Variants in ROR1 observed in about 807,000 individuals in gnomAD.
ROR1 encodes ROR family WNT receptor 1, also known as inactive tyrosine-protein kinase transmembrane receptor ROR1.
ROR1 carries 19 observed loss-of-function variants against 78.8 expected under a neutral mutation model. The ratio of observed to expected loss-of-function variants is 0.24; its 90% CI spans 0.17 to 0.35. ROR1 has a LOEUF of 0.35. Among genes scored for constraint, ROR1 ranks in the 10% least tolerant of loss-of-function variants. The pLI is 1.00. For missense variants in ROR1, 917 were observed against 1,177.8 expected, an observed-to-expected ratio of 0.78 and a Z score of 3.24; for synonymous variants, 386 against 433.6, an observed-to-expected ratio of 0.89 and a Z score of 1.36.
At chr1:64,141,208 A>T (rs1289522484) in intron 6 of ROR1, among the ~76,000 whole-genome samples, 1 of 152,178 alleles carries the variant, frequency 6.6e-6, no homozygotes, top group Non-Finnish European at 1.5e-5. Flanking sequence ...ACATTCTCAC[A>T]TTGCTATAAA....
chr1:63,788,352 G>A (rs1032264524), intron 1 of ROR1, among the ~76,000 whole-genome samples: 3 of 152,096 alleles, frequency 2.0e-5, no homozygotes, highest in East Asian at 1.9e-4. Context: ...GTTTATACAC[G>A]TGGATTTATA....
chr1:63,903,695 ACTATATAG>A (rs1442188543), intron 1 of ROR1, among the ~76,000 whole-genome samples: 37 of 151,948 alleles, frequency 2.4e-4, no homozygotes, highest in African/African-American at 7.2e-4. Flanking sequence ...AGATTATATA[ACTATATAG>A]CTATATAAGC....
intron 1 of ROR1, among the ~76,000 whole-genome samples, chr1:63,792,097 CG>C (rs1362138433): frequency 2.0e-5 from 3 of 152,012 alleles, no homozygotes; most frequent in Non-Finnish European, 4.4e-5. Flanking sequence ...TGGGTGCTGT[CG>C]CATGGGGCAG....
chr1:64,156,272 A>G (rs989255996), intron 7 of ROR1, among the ~76,000 whole-genome samples: 3 of 152,246 alleles, frequency 2.0e-5, no homozygotes, highest in Non-Finnish European at 4.4e-5. Context: ...GGCATTATTC[A>G]GAGGTTTCTG....
At chr1:64,122,248 A>G (rs1204328392) in intron 4 of ROR1, among the ~76,000 whole-genome samples, 1 of 152,234 alleles carries the variant, frequency 6.6e-6, no homozygotes, top group African/African-American at 2.4e-5. Context: ...CAATTTAACC[A>G]GGTGGAACTT....
At chr1:63,893,237 TCA>T (rs1160898156) in intron 1 of ROR1, among the ~76,000 whole-genome samples, 6 of 152,194 alleles carry the variant, frequency 3.9e-5, no homozygotes, top group Admixed American at 2.6e-4. Flanking sequence ...GCGTGAAACC[TCA>T]GACTCCTGTG....
At chr1:64,140,798 A>G (rs947791429) in intron 6 of ROR1, among the ~76,000 whole-genome samples, 1 of 152,242 alleles carries the variant, frequency 6.6e-6, no homozygotes, top group Non-Finnish European at 1.5e-5. Context: ...AAATGACCCA[A>G]ATGCCATCAG....
At chr1:64,000,567 A>G (rs1646374558) in intron 1 of ROR1, among the ~76,000 whole-genome samples, 2 of 152,298 alleles carry the variant, frequency 1.3e-5, no homozygotes, top group South Asian at 4.1e-4. Flanking sequence ...CTGCCTCCTT[A>G]GTAACTAGTT....
chr1:63,775,354 T>A (rs1644610062), intron 1 of ROR1: 1 of 152,188 alleles, frequency 6.6e-6, no homozygotes, highest in Non-Finnish European at 1.5e-5. Flanking sequence ...TCTGAGCCGG[T>A]ACACAATGAG....
chr1:63,920,184 C>T (rs959137859), intron 1 of ROR1, among the ~76,000 whole-genome samples: 2 of 152,182 alleles, frequency 1.3e-5, no homozygotes, highest in African/African-American at 4.8e-5. Context: ...GATGCAATCC[C>T]TGCTTTGGTG....
chr1:63,959,736 C>T (rs539877481), intron 1 of ROR1, among the ~76,000 whole-genome samples: 1 of 152,222 alleles, frequency 6.6e-6, no homozygotes, highest in Non-Finnish European at 1.5e-5. Flanking sequence ...CTAGGATTCA[C>T]TGGCTTCCCA....
chr1:63,977,863 AC>A (rs1646174356), intron 1 of ROR1, among the ~76,000 whole-genome samples: 1 of 152,186 alleles, frequency 6.6e-6, no homozygotes, highest in Admixed American at 6.5e-5. Context: ...AAAATGTTTT[AC>A]CTTTTTTGTA....
At chr1:64,034,530 C>T (rs1172551027) in intron 2 of ROR1, among the ~76,000 whole-genome samples, 3 of 151,994 alleles carry the variant, frequency 2.0e-5, no homozygotes, top group Non-Finnish European at 4.4e-5. Context: ...TTGAGTCCCC[C>T]CTCTTTCTCT....
intron 1 of ROR1, among the ~76,000 whole-genome samples, chr1:63,999,853 C>T (rs1646368430): frequency 6.6e-6 from 1 of 152,094 alleles, no homozygotes; most frequent in African/African-American, 2.4e-5. Context: ...TAACTTCATT[C>T]CCATTGTGTA....
chr1:63,935,547 A>G (rs1054058975), intron 1 of ROR1, among the ~76,000 whole-genome samples: 8 of 152,206 alleles, frequency 5.3e-5, no homozygotes, highest in African/African-American at 1.7e-4. Context: ...CATTTACCAC[A>G]TGGTTTTTAA....
At chr1:63,802,814 C>T (rs1644804813) in intron 1 of ROR1, among the ~76,000 whole-genome samples, 1 of 152,220 alleles carries the variant, frequency 6.6e-6, no homozygotes, top group African/African-American at 2.4e-5. Flanking sequence ...CAAAACTCCT[C>T]TGGACCAGCA....
At chr1:64,162,326 G>A (rs972453489) in intron 8 of ROR1, among the ~76,000 whole-genome samples, 1 of 152,218 alleles carries the variant, frequency 6.6e-6, no homozygotes, top group Non-Finnish European at 1.5e-5. Context: ...AGAGGCTCCT[G>A]TGGGAGATTA....
At chr1:63,898,018 G>C (rs1645453834) in intron 1 of ROR1, among the ~76,000 whole-genome samples, 1 of 152,188 alleles carries the variant, frequency 6.6e-6, no homozygotes, top group African/African-American at 2.4e-5. Flanking sequence ...GGGCCTTTTT[G>C]GCCGGAGCTC....
intron 2 of ROR1, among the ~76,000 whole-genome samples, chr1:64,024,528 T>C (rs1394863761): frequency 6.6e-6 from 1 of 152,100 alleles, no homozygotes; most frequent in Non-Finnish European, 1.5e-5. Context: ...ATGTGTTCCA[T>C]TGTAGAGGTA....
Sources: gnomAD v4.1 joint callset for allele counts (sites outside exome capture counted in the v4.1 genomes callset) on GRCh38, gnomAD v4.1.1 for gene constraint, MANE v1.5 for transcripts, NCBI Gene and HGNC (gene_info 2026-07-23, HGNC 2026-07-21) for gene names.